LINC00305: variants seen among roughly 807,000 people sequenced by gnomAD.
The protein encoded by LINC00305 is long intergenic non-protein coding RNA 305.
Position 64,097,332 on chromosome 18 carries a change from G to C in LINC00305, n.540+502C>G, listed in dbSNP as rs117881757. On this transcript the variant is annotated intron_variant and non_coding_transcript_variant, in intron 3 of 3. Coordinates refer to ENST00000666468, the Ensembl canonical transcript of LINC00305. ...ATATTATATACAATTATGTTATTTT[G>C]TAAAAACCAAAGAGTCTGCCCCACC... 1.4e-3 allele frequency among the ~76,000 whole-genome samples: 215 copies of C among 151,984 alleles called. 7 individuals carry two copies. The East Asian group carries it at 0.033, about 23-fold the overall frequency.
chr18:64,102,314 TA>T (rs1244893727), intron 1 of LINC00305, among the ~76,000 whole-genome samples: 3 of 152,086 alleles, frequency 2.0e-5, no homozygotes, highest in Non-Finnish European at 2.9e-5. Context: ...TAAAAAACAA[TA>T]ATAGAACTTA....
At chr18:64,086,538 A>G (rs2051204306) in intron 3 of LINC00305, among the ~76,000 whole-genome samples, 1 of 152,194 alleles carries the variant, frequency 6.6e-6, no homozygotes, top group Non-Finnish European at 1.5e-5. Flanking sequence ...TGCTCATTTG[A>G]CCTTTGATTC....
In LINC00305 at chr18:64,122,687, T is replaced by C. The variant is rs557108880; in HGVS notation, n.315-24047A>G. Reference sequence around the variant, plus strand: ...ATTTGGGCTCTTTTCGTGTTCCGTATGAATATTATGATTGTTTTTCTAATT... The same window carrying C: ...ATTTGGGCTCTTTTCGTGTTCCGTACGAATATTATGATTGTTTTTCTAATT... On this transcript the variant is annotated intron_variant and non_coding_transcript_variant, in intron 1 of 3. Coordinates refer to ENST00000666468, the Ensembl canonical transcript of LINC00305. Among the ~76,000 whole-genome samples the C allele has an allele frequency of 1.6e-3, 239 of 152,222 alleles. 1 individual carries two copies. Among genetic ancestry groups the C allele is most frequent in the African/African-American group, 5.5e-3 (229 of 41,568 alleles).
intron 3 of LINC00305, among the ~76,000 whole-genome samples, chr18:64,090,554 T>G (rs571705011): frequency 6.6e-6 from 1 of 152,212 alleles, no homozygotes; most frequent in Non-Finnish European, 1.5e-5. Context: ...CTTTTTTCAA[T>G]TGATCAGTAT....
intron 1 of LINC00305, among the ~76,000 whole-genome samples, chr18:64,142,260 T>A (rs111805041): frequency 4.6e-5 from 7 of 152,318 alleles, no homozygotes; most frequent in African/African-American, 1.7e-4. Flanking sequence ...TGAAATTGAA[T>A]AGGCTTTTAA....
chr18:64,115,145 C>T (rs956549289), intron 1 of LINC00305, among the ~76,000 whole-genome samples: 5 of 152,212 alleles, frequency 3.3e-5, no homozygotes, highest in Admixed American at 6.5e-5. Context: ...TCATCTCCGC[C>T]TTATCTTCAA....
chr18:64,102,501 C>T (rs2051271210), intron 1 of LINC00305, among the ~76,000 whole-genome samples: 1 of 152,050 alleles, frequency 6.6e-6, no homozygotes, highest in Non-Finnish European at 1.5e-5. Flanking sequence ...AAATAAAGAA[C>T]TGAAGAGACA....
intron 1 of LINC00305, among the ~76,000 whole-genome samples, chr18:64,105,598 G>A (rs2051287044): frequency 6.6e-6 from 1 of 152,184 alleles, no homozygotes; most frequent in Admixed American, 6.5e-5. Flanking sequence ...GTGTACGTGT[G>A]TGTAGAGTAC....
intron 1 of LINC00305, chr18:64,104,266 T>A (rs1174164470): frequency 2.0e-5 from 3 of 152,228 alleles, no homozygotes; most frequent in African/African-American, 7.2e-5. Context: ...GTCTCCCTCA[T>A]CCTCCTTGGA....
At chr18:64,105,262 AC>A (rs1402707024) in intron 1 of LINC00305, among the ~76,000 whole-genome samples, 3 of 151,572 alleles carry the variant, frequency 2.0e-5, no homozygotes, top group African/African-American at 7.3e-5. Context: ...GGAGTTTGAG[AC>A]CAGCCTGGCT....
chr18:64,083,727 A>G (rs544814574), intron 3 of LINC00305, among the ~76,000 whole-genome samples: 2 of 152,168 alleles, frequency 1.3e-5, no homozygotes, highest in East Asian at 3.9e-4. Context: ...AATTTTTAGC[A>G]CCTCTTAGAG....
chr18:64,124,863 A>G (rs897049556), intron 1 of LINC00305, among the ~76,000 whole-genome samples: 57 of 152,270 alleles, frequency 3.7e-4, no homozygotes, highest in Admixed American at 2.3e-3. Flanking sequence ...AGAATCCTGC[A>G]TCTCATCAGT....
intron 1 of LINC00305, among the ~76,000 whole-genome samples, chr18:64,134,010 T>C (rs1419944635): frequency 6.6e-6 from 1 of 152,204 alleles, no homozygotes; most frequent in Non-Finnish European, 1.5e-5. Flanking sequence ...GCATAATAAA[T>C]ATTTGAGAAA....
rs560511689 is a variant in LINC00305, at chr18:64,135,678, C to T, written n.314+13097G>A. On this transcript the variant is annotated intron_variant and non_coding_transcript_variant, in intron 1 of 3. Transcript: ENST00000666468. ...TCAGCTCGCTGCAGCCTCCACCTCCCGGGTTCTAGTGATTCTCCTGCCTCA... is the reference window on the plus strand; with the variant it reads ...TCAGCTCGCTGCAGCCTCCACCTCCTGGGTTCTAGTGATTCTCCTGCCTCA... 3.9e-5 allele frequency among the ~76,000 whole-genome samples: 6 copies of T among 152,188 alleles called. No homozygotes were observed. The South Asian group carries it at 8.3e-4, about 21-fold the overall frequency.
intron 1 of LINC00305, among the ~76,000 whole-genome samples, chr18:64,147,927 C>T (rs2051505636): frequency 6.6e-6 from 1 of 152,108 alleles, no homozygotes; most frequent in African/African-American, 2.4e-5. Context: ...TGTCCCTACA[C>T]TTGGTGACCA....
intron 1 of LINC00305, among the ~76,000 whole-genome samples, chr18:64,122,437 A>AT (rs1326342495): frequency 6.6e-6 from 1 of 152,044 alleles, no homozygotes; most frequent in Non-Finnish European, 1.5e-5. Flanking sequence ...TTTATTGAAA[A>AT]GGTTGTCCTT....
At chr18:64,141,720 A>T (rs770684771) in intron 1 of LINC00305, among the ~76,000 whole-genome samples, 1 of 152,248 alleles carries the variant, frequency 6.6e-6, no homozygotes, top group Non-Finnish European at 1.5e-5. Context: ...TCCTTAGAAG[A>T]GTTCTTCGAT....
intron 1 of LINC00305, among the ~76,000 whole-genome samples, chr18:64,128,788 C>G (rs907776599): frequency 7.2e-5 from 11 of 152,084 alleles, no homozygotes; most frequent in Admixed American, 2.0e-4. Flanking sequence ...AAGAACCTCC[C>G]TCAGGATCCC....
intron 3 of LINC00305, among the ~76,000 whole-genome samples, chr18:64,091,545 C>A (rs573092228): frequency 2.6e-5 from 4 of 152,248 alleles, no homozygotes; most frequent in Middle Eastern, 6.8e-3. Context: ...TATCCTTGGG[C>A]CAGGGAGTTA....
Sources: allele counts gnomAD v4.1 joint callset (sites outside exome capture counted in the v4.1 genomes callset), GRCh38; gene constraint gnomAD v4.1.1; transcripts MANE v1.5; gene names NCBI Gene and HGNC (gene_info 2026-07-23, HGNC 2026-07-21).